TENT4B: variants seen among roughly 807,000 people sequenced by gnomAD.
The protein encoded by TENT4B is PAP associated domain containing 5.
A neutral mutation model predicts 75.0 loss-of-function variants in TENT4B; 10 were observed. The ratio of observed to expected loss-of-function variants is 0.13; its 90% CI spans 0.08 to 0.23. The LOEUF (loss-of-function observed/expected upper bound fraction) is 0.23, where lower values mean the gene tolerates loss of function less well. TENT4B is among the 10% of genes least tolerant of loss of function. The probability of loss-of-function intolerance (pLI) is 1.00; values close to 1 mark genes in which losing one functional copy is unlikely to be tolerated. For missense variants in TENT4B, 579 were observed against 893.8 expected, an observed-to-expected ratio of 0.65 and a Z score of 4.49; for synonymous variants, 350 against 357.7, an observed-to-expected ratio of 0.98 and a Z score of 0.24.
intron 1 of TENT4B, among the ~76,000 whole-genome samples, chr16:50,182,048 C>G (rs866544423): frequency 2.6e-5 from 4 of 152,138 alleles, no homozygotes; most frequent in Admixed American, 6.5e-5. Flanking sequence ...GGGCAGATTG[C>G]TTGAGCTCAG....
intron 1 of TENT4B, among the ~76,000 whole-genome samples, chr16:50,199,455 A>G (rs1490811407): frequency 6.6e-6 from 1 of 152,254 alleles, no homozygotes; most frequent in Non-Finnish European, 1.5e-5. Flanking sequence ...AGTCATTGAG[A>G]AAAGGATGGA....
rs2032315936 is a variant in TENT4B, at chr16:50,232,187, C to T, written c.*2859C>T. On this transcript the variant is annotated 3_prime_UTR_variant, in exon 12 of 12. Coordinates refer to ENST00000561678, the MANE Select transcript of TENT4B (RefSeq NM_001365324.3). ...ATAAAAGTATATCCATTTTTTCCCTCCAGCTTTAAGGTGACTGTGAAGGTG... is the reference window on the plus strand; with the variant it reads ...ATAAAAGTATATCCATTTTTTCCCTTCAGCTTTAAGGTGACTGTGAAGGTG... The T allele has an allele frequency of 3.0e-6, 3 of 985,256 alleles. No homozygotes were observed. Among genetic ancestry groups the T allele is most frequent in the Non-Finnish European group, 3.6e-6 (3 of 829,888 alleles). 61.0% of individuals were successfully genotyped at this position (985,256 alleles called of 1,614,324 possible).
intron 1 of TENT4B, among the ~76,000 whole-genome samples, chr16:50,157,805 G>A (rs534006035): frequency 6.6e-6 from 1 of 151,580 alleles, no homozygotes; most frequent in Non-Finnish European, 1.5e-5. Flanking sequence ...TTGCTCTGTC[G>A]CTCAGGCTGG....
intron 1 of TENT4B, among the ~76,000 whole-genome samples, chr16:50,208,172 T>C (rs187863476): frequency 1.3e-5 from 2 of 152,282 alleles, no homozygotes; most frequent in Admixed American, 1.3e-4. Context: ...TTTTCTGTAT[T>C]CCTCTTTTCT....
At chr16:50,154,921 T>C (rs979389922) in intron 1 of TENT4B, among the ~76,000 whole-genome samples, 2 of 152,164 alleles carry the variant, frequency 1.3e-5, no homozygotes, top group Non-Finnish European at 2.9e-5. Context: ...GGGTGACCAC[T>C]AAGTTTAGGC....
intron 1 of TENT4B, among the ~76,000 whole-genome samples, chr16:50,156,875 T>A (rs1012687825): frequency 3.9e-5 from 6 of 152,112 alleles, no homozygotes; most frequent in African/African-American, 1.4e-4. Context: ...TTGCCTAGGC[T>A]GGTCTTCAAC....
In TENT4B at chr16:50,155,494, G is replaced by T. The variant is rs553307470; in HGVS notation, c.638+1235G>T. Among the ~76,000 whole-genome samples the T allele has an allele frequency of 2.0e-5, 3 of 152,160 alleles. No homozygotes were observed. The East Asian group carries it at 5.8e-4, about 29-fold the overall frequency. ...GAGAGAGAGTTCTGTGTACCTTTTT[G>T]AAGGTCTGGATAAAATGAGTTGGTG... On this transcript the variant is annotated intron_variant, in intron 1 of 11. Coordinates refer to ENST00000561678, the MANE Select transcript of TENT4B (RefSeq NM_001365324.3).
At chr16:50,195,677 T>C (rs896232982) in intron 1 of TENT4B, among the ~76,000 whole-genome samples, 13 of 152,234 alleles carry the variant, frequency 8.5e-5, no homozygotes, top group African/African-American at 3.1e-4. Flanking sequence ...GCAGTACTTA[T>C]GCATATCATT....
At chr16:50,174,263 A>G (rs2038260843) in intron 1 of TENT4B, among the ~76,000 whole-genome samples, 2 of 151,780 alleles carry the variant, frequency 1.3e-5, no homozygotes, top group African/African-American at 2.4e-5. Flanking sequence ...GCACCTGGCT[A>G]ATTTTTGTAT....
At chr16:50,187,760 C>T (rs1477807293) in intron 1 of TENT4B, among the ~76,000 whole-genome samples, 5 of 151,720 alleles carry the variant, frequency 3.3e-5, no homozygotes, top group South Asian at 2.1e-4. Flanking sequence ...CACGGTGGCT[C>T]ATGCTTGTAA....
chr16:50,195,453 A>G (rs1439566153), intron 1 of TENT4B, among the ~76,000 whole-genome samples: 1 of 152,168 alleles, frequency 6.6e-6, no homozygotes, highest in Admixed American at 6.6e-5. Flanking sequence ...TGAAAGAGGA[A>G]AGGGGAGGAA....
intron 1 of TENT4B, among the ~76,000 whole-genome samples, chr16:50,175,433 G>T (rs745711182): frequency 2.0e-4 from 31 of 151,972 alleles, no homozygotes; most frequent in Non-Finnish European, 4.0e-4. Context: ...TTACATTTAG[G>T]TCTGTGATCT....
Position 50,192,232 on chromosome 16 carries a change from CAA to C in TENT4B, c.639-19075_639-19074del, listed in dbSNP as rs35218799. ...TGGGTGACAGAGCAAGACTCTGTCT[CAA>C]AAAAAAAAAAAAAAATCATTAATAA... On this transcript the variant is annotated intron_variant, in intron 1 of 11. Transcript: ENST00000561678. Among the ~76,000 whole-genome samples the C allele has an allele frequency of 3.6e-3, 469 of 129,514 alleles. 2 individuals are homozygous for C. Among genetic ancestry groups the C allele is most frequent in the East Asian group, 0.018 (81 of 4,436 alleles). 85.0% of individuals were successfully genotyped at this position (129,514 alleles called of 152,430 possible).
At chr16:50,198,594 C>T (rs1279653434) in intron 1 of TENT4B, among the ~76,000 whole-genome samples, 1 of 151,978 alleles carries the variant, frequency 6.6e-6, no homozygotes, top group East Asian at 1.9e-4. Flanking sequence ...GATCAACTCA[C>T]TAATGTATTA....
In TENT4B at chr16:50,229,511, C is replaced by CA; in HGVS notation, c.*187dup. The stretch of plus-strand genomic sequence containing the variant: ...ACTGACAACTGCAAAAAAAACAAAA[C>CA]AAAACAAAAAAAAAAGCAAGCAAAA... On this transcript the variant is annotated 3_prime_UTR_variant, in exon 12 of 12. Transcript: ENST00000561678. 8.3e-7 allele frequency: 1 copy of CA among 1,209,916 alleles called. No individual in the cohort carries two copies. Among genetic ancestry groups the CA allele is most frequent in the Non-Finnish European group, 1.0e-6 (1 of 978,512 alleles). The allele number at this position is 1,209,916 out of a possible 1,614,324, so 74.9% of individuals were successfully genotyped here.
chr16:50,227,215 G>C (rs2032097368), intron 10 of TENT4B, among the ~76,000 whole-genome samples: 1 of 152,184 alleles, frequency 6.6e-6, no homozygotes, highest in Non-Finnish European at 1.5e-5. Flanking sequence ...GTATGCTTTG[G>C]AGGACAGAAG....
chr16:50,193,814 A>G (rs1456749550), intron 1 of TENT4B, among the ~76,000 whole-genome samples: 2 of 152,180 alleles, frequency 1.3e-5, no homozygotes, highest in Non-Finnish European at 2.9e-5. Flanking sequence ...CTGTTTTGGC[A>G]GACCTGTCTT....
chr16:50,194,075 G>T (rs1420686), intron 1 of TENT4B, among the ~76,000 whole-genome samples: 101,466 of 152,084 alleles, frequency 0.67, 35,740 homozygotes, highest in Non-Finnish European at 0.77. Context: ...TACCTCTGTG[G>T]TCCTAATATT....
intron 2 of TENT4B, among the ~76,000 whole-genome samples, chr16:50,212,507 G>C (rs547475763): frequency 6.6e-6 from 1 of 152,298 alleles, no homozygotes; most frequent in East Asian, 1.9e-4. Context: ...GTCCTGGGTG[G>C]TGGTGGGAAG....
Sources: gnomAD v4.1 joint callset for allele counts (sites outside exome capture counted in the v4.1 genomes callset) on GRCh38, gnomAD v4.1.1 for gene constraint, MANE v1.5 for transcripts, NCBI Gene and HGNC (gene_info 2026-07-23, HGNC 2026-07-21) for gene names.